MAGI2: variants seen among roughly 807,000 people sequenced by gnomAD.
MAGI2 encodes membrane associated guanylate kinase, WW and PDZ domain containing 2, also known as membrane-associated guanylate kinase, WW and PDZ domain-containing protein 2.
Under a neutral mutation model 133.3 loss-of-function variants are expected in MAGI2, and 35 were observed. The ratio of observed to expected loss-of-function variants is 0.26; its 90% CI spans 0.20 to 0.35. The LOEUF (loss-of-function observed/expected upper bound fraction) is 0.35. MAGI2 is among the 10% of genes least tolerant of loss of function. The pLI is 1.00. For synonymous variants in MAGI2, 729 were observed against 710.6 expected, an observed-to-expected ratio of 1.03 and a Z score of -0.41; for missense variants, 1,636 against 1,863.4, an observed-to-expected ratio of 0.88 and a Z score of 2.25.
chr7:78,127,733 A>G (rs967706019), intron 18 of MAGI2, among the ~76,000 whole-genome samples: 9 of 152,146 alleles, frequency 5.9e-5, no homozygotes, highest in Non-Finnish European at 1.2e-4. Context: ...AGCCACAGCA[A>G]ATCAAGGGAT....
intron 1 of MAGI2, among the ~76,000 whole-genome samples, chr7:79,129,662 T>G (rs916634645): frequency 2.0e-5 from 3 of 150,980 alleles, no homozygotes; most frequent in African/African-American, 5.0e-5. Flanking sequence ...ATACGATGCT[T>G]GCAGAAAATA....
chr7:78,492,306 T>C (rs1793698533), intron 5 of MAGI2, among the ~76,000 whole-genome samples: 1 of 151,920 alleles, frequency 6.6e-6, no homozygotes, highest in South Asian at 2.1e-4. Context: ...ACAGATTGAG[T>C]CTCTTATAGT....
chr7:78,593,562 A>G (rs1174696149), intron 3 of MAGI2, among the ~76,000 whole-genome samples: 1 of 152,160 alleles, frequency 6.6e-6, no homozygotes, highest in African/African-American at 2.4e-5. Context: ...TAGAAGTAGA[A>G]TATTTTGTTA....
chr7:78,183,268 AT>A (rs35853118), intron 13 of MAGI2, among the ~76,000 whole-genome samples: 1,382 of 137,362 alleles, frequency 0.01, 5 homozygotes, highest in African/African-American at 0.023. Context: ...GTATTTTTGT[AT>A]TTTTTTTTTT....
At chr7:79,403,029 G>T (rs528701931) in intron 1 of MAGI2, among the ~76,000 whole-genome samples, 1 of 152,234 alleles carries the variant, frequency 6.6e-6, no homozygotes, top group African/African-American at 2.4e-5. Flanking sequence ...GATTAAATGT[G>T]ATTAACCATA....
chr7:78,186,344 A>C (rs1340136087), intron 12 of MAGI2, among the ~76,000 whole-genome samples: 1 of 152,144 alleles, frequency 6.6e-6, no homozygotes, highest in African/African-American at 2.4e-5. Flanking sequence ...ACCTGGTTGC[A>C]TACTGGGTTC....
intron 1 of MAGI2, among the ~76,000 whole-genome samples, chr7:79,230,192 T>C (rs1831241339): frequency 6.6e-6 from 1 of 150,460 alleles, no homozygotes; most frequent in Admixed American, 6.6e-5. Context: ...AGTCTATCAT[T>C]GTTGGACATT....
At chr7:78,671,281 C>CTT (rs34087973) in intron 2 of MAGI2, among the ~76,000 whole-genome samples, 4 of 144,076 alleles carry the variant, frequency 2.8e-5, no homozygotes, top group African/African-American at 1.0e-4. Flanking sequence ...CTCTCTCTCT[C>CTT]TTTTTTTTTT....
intron 9 of MAGI2, among the ~76,000 whole-genome samples, chr7:78,280,320 G>T (rs1008797144): frequency 6.6e-6 from 1 of 152,088 alleles, no homozygotes; most frequent in Non-Finnish European, 1.5e-5. Context: ...AGGGGTGGTG[G>T]TTACTGGTGG....
intron 2 of MAGI2, among the ~76,000 whole-genome samples, chr7:78,705,283 T>TA (rs1818526874): frequency 6.6e-6 from 1 of 152,020 alleles, no homozygotes; most frequent in Admixed American, 6.6e-5. Context: ...TCTTCCCCCT[T>TA]CACTCTCTCT....
intron 2 of MAGI2, among the ~76,000 whole-genome samples, chr7:78,890,540 G>C (rs1314866311): frequency 1.3e-5 from 2 of 152,268 alleles, no homozygotes; most frequent in Non-Finnish European, 2.9e-5. Flanking sequence ...TCAGACCACA[G>C]TGCAATCAAA....
chr7:78,935,987 A>G (rs1450015901), intron 2 of MAGI2, among the ~76,000 whole-genome samples: 1 of 152,130 alleles, frequency 6.6e-6, no homozygotes, highest in Non-Finnish European at 1.5e-5. Flanking sequence ...TAATTTTTTA[A>G]TATACTGATT....
intron 1 of MAGI2, among the ~76,000 whole-genome samples, chr7:79,166,750 T>G (rs1291546587): frequency 6.6e-6 from 1 of 152,110 alleles, no homozygotes; most frequent in Non-Finnish European, 1.5e-5. Flanking sequence ...AATTTGCATT[T>G]TACTCGAGGG....
At chr7:78,878,896 A>G (rs1795630459) in intron 2 of MAGI2, among the ~76,000 whole-genome samples, 1 of 152,148 alleles carries the variant, frequency 6.6e-6, no homozygotes, top group African/African-American at 2.4e-5. Flanking sequence ...TCTCCATGCC[A>G]TGGCCAGGCT....
At chr7:78,831,146 T>G (rs1333427546) in intron 2 of MAGI2, among the ~76,000 whole-genome samples, 1 of 152,192 alleles carries the variant, frequency 6.6e-6, no homozygotes, top group Non-Finnish European at 1.5e-5. Flanking sequence ...AACTGTGATA[T>G]GAAGCCCATA....
At chr7:78,101,277 A>G (rs1818188469) in intron 20 of MAGI2, among the ~76,000 whole-genome samples, 1 of 152,226 alleles carries the variant, frequency 6.6e-6, no homozygotes, top group Non-Finnish European at 1.5e-5. Context: ...AGCTGGAGAC[A>G]TAACACTTCC....
intron 6 of MAGI2, among the ~76,000 whole-genome samples, chr7:78,441,311 C>T (rs2216076): frequency 1.3e-5 from 2 of 152,012 alleles, no homozygotes; most frequent in South Asian, 2.1e-4. Flanking sequence ...TACCATGCCA[C>T]GAAATGTGGA....
intron 16 of MAGI2, among the ~76,000 whole-genome samples, chr7:78,141,204 C>T (rs3807703): frequency 0.12 from 18,694 of 152,058 alleles, 1,390 homozygotes; most frequent in South Asian, 0.18. Context: ...TGATGTGATG[C>T]CTTTAGCCCA....
chr7:78,609,442 A>G (rs1806196388), intron 3 of MAGI2, among the ~76,000 whole-genome samples: 1 of 152,224 alleles, frequency 6.6e-6, no homozygotes, highest in Non-Finnish European at 1.5e-5. Flanking sequence ...CTATTACATA[A>G]AGTTGATAAA....
Sources: gnomAD v4.1 joint callset for allele counts (sites outside exome capture counted in the v4.1 genomes callset) on GRCh38, gnomAD v4.1.1 for gene constraint, MANE v1.5 for transcripts, NCBI Gene and HGNC (gene_info 2026-07-23, HGNC 2026-07-21) for gene names.